CLMP: variants seen among roughly 807,000 people sequenced by gnomAD.
The protein encoded by CLMP is CXADR like cell adhesion molecule.
CLMP carries 27 observed loss-of-function variants against 45.2 expected under a neutral mutation model. The ratio of observed to expected loss-of-function variants is 0.60; its 90% CI spans 0.44 to 0.82. The LOEUF is 0.82. Among genes scored for constraint, CLMP ranks in the 40% least tolerant of loss-of-function variants. CLMP has a pLI of 0.00. For missense variants in CLMP, 403 were observed against 448.4 expected (o/e 0.90, Z 0.91); for synonymous variants, 167 against 171.4 (o/e 0.97, Z 0.20).
intron 2 of CLMP, among the ~76,000 whole-genome samples, chr11:123,092,310 CTTTTT>C (rs1445273400): frequency 6.7e-6 from 1 of 149,494 alleles, no homozygotes; most frequent in African/African-American, 2.5e-5. Context: ...ACTTTTTTTT[CTTTTT>C]GAGACGGAGC....
At chr11:123,102,287 T>C (rs549542493) in intron 1 of CLMP, among the ~76,000 whole-genome samples, 4 of 148,500 alleles carry the variant, frequency 2.7e-5, no homozygotes, top group African/African-American at 9.9e-5. Flanking sequence ...AGGTTTTTTT[T>C]TTTTTTTTTT....
Position 123,106,424 on chromosome 11 carries a change from T to TGC in CLMP, c.29-8474_29-8473dup, listed in dbSNP as rs71057332. On this transcript the variant is annotated intron_variant, in intron 1 of 6. Coordinates refer to ENST00000448775, the MANE Select transcript of CLMP (RefSeq NM_024769.5). ...GTGTGTGTGTGTGTGTGTGTGTGTG[T>TGC]GCGCGCGCGCGCGCGCACGTGCCTG... is the stretch of plus-strand genomic sequence containing the variant. 9.4e-3 allele frequency among the ~76,000 whole-genome samples: 852 copies of TGC among 90,734 alleles called. 7 individuals carry two copies. The highest frequency in any genetic ancestry group is 0.057 in the East Asian group (203 of 3,550). The allele number at this position is 90,734 out of a possible 152,430, so 59.5% of individuals were successfully genotyped here. A position where few individuals can be genotyped will look rare whatever the true frequency, so the allele number is the denominator to read the frequency against.
At chr11:123,146,657 A>T (rs766006411) in intron 1 of CLMP, among the ~76,000 whole-genome samples, 1 of 151,950 alleles carries the variant, frequency 6.6e-6, no homozygotes, top group African/African-American at 2.4e-5. Flanking sequence ...TTCTTTTTCC[A>T]TGGGCGTGTG....
At chr11:123,123,240 TTC>T (rs1860843089) in intron 1 of CLMP, among the ~76,000 whole-genome samples, 1 of 145,844 alleles carries the variant, frequency 6.9e-6, no homozygotes, top group African/African-American at 2.6e-5. Flanking sequence ...TTTTTTTCTT[TTC>T]TTTCTTTCTT....
intron 1 of CLMP, among the ~76,000 whole-genome samples, chr11:123,189,469 A>G (rs1187620847): frequency 6.6e-6 from 1 of 152,216 alleles, no homozygotes; most frequent in East Asian, 1.9e-4. Context: ...GAGTGATTTG[A>G]GGTGAGATAA....
intron 1 of CLMP, among the ~76,000 whole-genome samples, chr11:123,144,934 G>A (rs368370303): frequency 6.6e-6 from 1 of 151,952 alleles, no homozygotes; most frequent in Admixed American, 6.6e-5. Context: ...TTACAGGCTC[G>A]AGTGCTGCAC....
At chr11:123,185,315 C>T (rs1233130077) in intron 1 of CLMP, among the ~76,000 whole-genome samples, 1 of 152,120 alleles carries the variant, frequency 6.6e-6, no homozygotes, top group Non-Finnish European at 1.5e-5. Flanking sequence ...ACGGAGTTCA[C>T]GCTGGTCTTT....
At chr11:123,117,759 T>C (rs1020838673) in intron 1 of CLMP, among the ~76,000 whole-genome samples, 2 of 152,198 alleles carry the variant, frequency 1.3e-5, no homozygotes, top group Admixed American at 1.3e-4. Flanking sequence ...TACAATAAAC[T>C]ATAATGCTGT....
Position 123,085,467 on chromosome 11 carries a change from T to C in CLMP, c.187-754A>G, listed in dbSNP as rs1050960993. 3.9e-5 allele frequency among the ~76,000 whole-genome samples: 6 copies of C among 151,990 alleles called. No individual in the cohort carries two copies. In the East Asian group the frequency reaches 1.2e-3, roughly 29 times the overall value. On this transcript the variant is annotated intron_variant, in intron 2 of 6. Coordinates refer to ENST00000448775, the MANE Select transcript of CLMP (RefSeq NM_024769.5). ...TTTCGCCATGTTGGCCAGGCTGGTC[T>C]TGAACTCTTGGCCTCAGGTGATCCA... is the stretch of plus-strand genomic sequence containing the variant.
rs113482011 is a variant in CLMP, at chr11:123,074,173, CTT to C, written c.822-401_822-400del. On this transcript the variant is annotated intron_variant, in intron 6 of 6. Coordinates refer to ENST00000448775, the MANE Select transcript of CLMP (RefSeq NM_024769.5). ...TTTTATGTATATACATATGTACATA[CTT>C]TTTTTTTTTTTTTTTTTGAGACATG... Among the ~76,000 whole-genome samples the C allele has an allele frequency of 6.3e-3, 817 of 130,598 alleles. 4 individuals carry two copies. Among genetic ancestry groups the C allele is most frequent in the African/African-American group, 0.022 (738 of 34,192 alleles). The allele number at this position is 130,598 out of a possible 152,430, so 85.7% of individuals were successfully genotyped here.
intron 1 of CLMP, among the ~76,000 whole-genome samples, chr11:123,105,803 T>A (rs946070127): frequency 1.3e-4 from 19 of 149,424 alleles, no homozygotes; most frequent in African/African-American, 4.7e-4. Flanking sequence ...GGAACTGTGG[T>A]TTTTGTTTGT....
At chr11:123,108,579 G>A (rs1447237813) in intron 1 of CLMP, among the ~76,000 whole-genome samples, 9 of 151,958 alleles carry the variant, frequency 5.9e-5, no homozygotes, top group Non-Finnish European at 8.8e-5. Flanking sequence ...GGAGAAGGAT[G>A]GGGAAAGGGA....
intron 5 of CLMP, among the ~76,000 whole-genome samples, chr11:123,082,543 T>C (rs1565377280): frequency 6.6e-6 from 1 of 152,060 alleles, no homozygotes; most frequent in African/African-American, 2.4e-5. Flanking sequence ...CCTCGTGATC[T>C]GCCTGCCTCG....
At chr11:123,183,771 G>A (rs1861798773) in intron 1 of CLMP, among the ~76,000 whole-genome samples, 1 of 152,122 alleles carries the variant, frequency 6.6e-6, no homozygotes, top group African/African-American at 2.4e-5. Flanking sequence ...CTCACTGACT[G>A]CCCACCCGAT....
intron 1 of CLMP, among the ~76,000 whole-genome samples, chr11:123,152,454 T>C (rs562767339): frequency 3.3e-5 from 5 of 151,218 alleles, no homozygotes; most frequent in Admixed American, 3.3e-4. Context: ...ACCCGGGAGG[T>C]AGAGGTTGCA....
chr11:123,139,416 C>T (rs768454153), intron 1 of CLMP, among the ~76,000 whole-genome samples: 2 of 152,166 alleles, frequency 1.3e-5, no homozygotes, highest in Non-Finnish European at 2.9e-5. Context: ...ATTTAGAAAC[C>T]TCTGTGGCCT....
intron 1 of CLMP, among the ~76,000 whole-genome samples, chr11:123,156,564 C>T (rs1861418500): frequency 6.6e-6 from 1 of 152,138 alleles, no homozygotes; most frequent in African/African-American, 2.4e-5. Flanking sequence ...TGATAGATAA[C>T]TGATGGAAGA....
Position 123,097,861 on chromosome 11 carries a change from C to T in CLMP, c.120G>A (p.Gly40=), listed in dbSNP as rs751141439. 3.7e-6 allele frequency: 6 copies of T among 1,610,596 alleles called. No homozygotes were observed. Among genetic ancestry groups the T allele is most frequent in the East Asian group, 2.2e-5 (1 of 44,604 alleles). Reference sequence around the variant, plus strand: ...TATCCAGAGTGTCTTTTTCTGGAAGCCCCAGTTGATGGTGGCAGGGCAAAG... The same window carrying T: ...TATCCAGAGTGTCTTTTTCTGGAAGTCCCAGTTGATGGTGGCAGGGCAAAG... ...KVTLPCHHQL[G]LPEKDTLDIE... is the part of the protein sequence containing the mutation. The change falls in exon 2 of 7, where the codon GGG becomes GGA. Residue 40 remains glycine (G), a synonymous_variant. Transcript: ENST00000448775.
rs759949891 is a variant in CLMP at position 123,119,052 on chromosome 11, CCTCTCTCT to C, written c.29-21108_29-21101del. Among the ~76,000 whole-genome samples the C allele has an allele frequency of 5.6e-3, 109 of 19,462 alleles. 12 individuals are homozygous for C. The highest frequency in any genetic ancestry group is 0.01 in the East Asian group (6 of 580). The allele number at this position is 19,462 out of a possible 152,430, so 12.8% of individuals were successfully genotyped here. A position where few individuals can be genotyped will look rare whatever the true frequency, so the allele number is the denominator to read the frequency against. On this transcript the variant is annotated intron_variant, in intron 1 of 6. Transcript: ENST00000448775. ...CTCTCTCTCTCTCTCTCTCCCTCTC[CCTCTCTCT>C]CTCTCTCTCTCTCTCTCTCTCTCTC...
Sources: gnomAD v4.1 joint callset for allele counts (sites outside exome capture counted in the v4.1 genomes callset) on GRCh38, gnomAD v4.1.1 for gene constraint, MANE v1.5 for transcripts, NCBI Gene and HGNC (gene_info 2026-07-23, HGNC 2026-07-21) for gene names.